The following VPS13C variants were observed in gnomAD, a reference collection of about 807,000 sequenced individuals.
VPS13C encodes the protein intermembrane lipid transfer protein VPS13C.
A neutral mutation model predicts 456.8 loss-of-function variants in VPS13C; 358 were observed. The ratio of observed to expected loss-of-function variants is 0.78; its 90% CI spans 0.72 to 0.86. The LOEUF (loss-of-function observed/expected upper bound fraction) is 0.86. Among genes scored for constraint, VPS13C ranks in the 40% least tolerant of loss-of-function variants. The probability of loss-of-function intolerance (pLI) is 0.00; values close to 1 mark genes in which losing one functional copy is unlikely to be tolerated. For missense variants in VPS13C, 4,818 were observed against 4,385.4 expected (o/e 1.10, Z -2.79); for synonymous variants, 1,578 against 1,486.7 (o/e 1.06, Z -1.41).
At position 61,981,017 on chromosome 15, in the gene VPS13C, T is replaced by C. The variant is rs539467930; in HGVS notation, c.2166+325A>G. Among the ~76,000 whole-genome samples the C allele has an allele frequency of 9.9e-5, 15 of 152,260 alleles. No individual in the cohort carries two copies. In the South Asian group the frequency reaches 3.1e-3, roughly 32 times the overall value. On this transcript the variant is annotated intron_variant, in intron 22 of 84. Transcript: ENST00000644861. ...TTCATATATGTACAATTTCCTATTGTCAAATTTATAAGCAACAAATAACAC... is the reference window on the plus strand; with the variant it reads ...TTCATATATGTACAATTTCCTATTGCCAAATTTATAAGCAACAAATAACAC...
chr15:61,902,148 T>G lies in VPS13C; in HGVS notation c.9105+5116A>C, dbSNP rs544299596. Among the ~76,000 whole-genome samples, 115 of 149,776 alleles carry G rather than the reference T, an allele frequency of 7.7e-4. 1 individual carries two copies. Among genetic ancestry groups the G allele is most frequent in the African/African-American group, 2.6e-3 (108 of 40,790 alleles). ...GAGGGGGAGGGATAGCATTGGGAGA[T>G]ATACCTAATGCTAGATGACAAGTTA... On this transcript the variant is annotated intron_variant, in intron 66 of 84. Transcript: ENST00000644861.
intron 30 of VPS13C, 118 bp downstream of exon 30, chr15:61,965,965 C>T (rs1596393932): frequency 1.6e-6 from 1 of 615,266 alleles, no homozygotes; most frequent in East Asian, 3.1e-5. Flanking sequence ...ATTTATAACT[C>T]TTATTGGTCC....
chr15:62,028,344 C>A lies in VPS13C; in HGVS notation c.448+14G>T, dbSNP rs373840227. The A allele has an allele frequency of 2.5e-6, 4 of 1,612,256 alleles. No individual in the cohort carries two copies. The highest frequency in any genetic ancestry group is 3.4e-6 in the Non-Finnish European group (4 of 1,178,832). On this transcript the variant is annotated intron_variant, in intron 6 of 84. Transcript: ENST00000644861. ...TGTTTATATAGTTGAATATAATTAA[C>A]CATGCATACCCACCAGGCTTGATGT... is the stretch of plus-strand genomic sequence containing the variant.
chr15:61,966,901 G>A (rs1163688007), intron 29 of VPS13C, among the ~76,000 whole-genome samples: 1 of 151,964 alleles, frequency 6.6e-6, no homozygotes, highest in Non-Finnish European at 1.5e-5. Context: ...AATAGCTGCT[G>A]ACTGATTAAA....
At chr15:61,935,085 TTTTC>T (rs2044182223) in intron 48 of VPS13C, among the ~76,000 whole-genome samples, 1 of 152,106 alleles carries the variant, frequency 6.6e-6, no homozygotes, top group Non-Finnish European at 1.5e-5. Flanking sequence ...ACCCAATCCA[TTTTC>T]TTTATCAGAA....
chr15:62,035,151 C>A (rs1024973990), intron 3 of VPS13C, 99 bp from the exon 4 acceptor site: 7 of 750,456 alleles, frequency 9.3e-6, no homozygotes, highest in Non-Finnish European at 1.5e-5. Flanking sequence ...AAAAACTCTT[C>A]ATGGTATGTA....
chr15:62,041,897 T>C (rs1278303038), intron 2 of VPS13C, among the ~76,000 whole-genome samples: 3 of 151,784 alleles, frequency 2.0e-5, no homozygotes, highest in African/African-American at 7.3e-5. Context: ...ATAGTAAAAA[T>C]AGAAAAAGTT....
At position 61,869,742 on chromosome 15, in the gene VPS13C, C is replaced by T. The variant is rs866790776; in HGVS notation, c.10625-119G>A. 60 of 1,503,930 alleles carry T rather than the reference C, an allele frequency of 4.0e-5. No homozygotes were observed. In the African/African-American group the frequency reaches 7.1e-4, roughly 18 times the overall value. The allele number at this position is 1,503,930 out of a possible 1,614,324, so 93.2% of individuals were successfully genotyped here. A position where few individuals can be genotyped will look rare whatever the true frequency, so the allele number is the denominator to read the frequency against. On this transcript the variant is annotated intron_variant, in intron 79 of 84. Transcript: ENST00000644861. ...TACCCAGGAAGTTACAAAAATTTGG[C>T]TTTCTAAAGAAGTTAAATGTAATCC... is the stretch of plus-strand genomic sequence containing the variant.
At chr15:61,926,131 G>A (rs1356073613) in intron 52 of VPS13C, among the ~76,000 whole-genome samples, 2 of 152,194 alleles carry the variant, frequency 1.3e-5, no homozygotes, top group Non-Finnish European at 2.9e-5. Flanking sequence ...AGGTATGGTA[G>A]TGCATACCTA....
chr15:61,866,256 T>C lies in VPS13C; in HGVS notation c.10863+2403A>G, dbSNP rs566483567. 9 of 984,652 alleles carry C rather than the reference T, an allele frequency of 9.1e-6. No individual in the cohort carries two copies. In the Admixed American group the frequency reaches 5.5e-4, roughly 61 times the overall value. 61.0% of individuals were successfully genotyped at this position (984,652 alleles called of 1,614,324 possible). On this transcript the variant is annotated intron_variant, in intron 81 of 84. Coordinates refer to ENST00000644861, the MANE Select transcript of VPS13C (RefSeq NM_020821.3). ...ATCATTCTTTTTCTTCCAGTAATTA[T>C]AATAATGCACTAAAGTTTTAAAAGT... is the stretch of plus-strand genomic sequence containing the variant.
chr15:61,854,871 C>G lies in VPS13C; in HGVS notation c.11160G>C (p.Glu3720Asp), dbSNP rs1335146549. The change falls in exon 84 of 85, where the codon GAG becomes GAC. Residue 3720 changes from glutamate (E) to aspartate (D), a missense_variant and splice_region_variant. Coordinates refer to ENST00000644861, the MANE Select transcript of VPS13C (RefSeq NM_020821.3). The stretch of plus-strand genomic sequence containing the variant: ...GAGGCATGCTCTTTAAATTGTTTAC[C>G]TCTGCTGTGGCGGTGTCCTTCAGGT... ...KVYLKDTATAERACNAIEDAQ... is the reference protein window; with the variant it reads ...KVYLKDTATADRACNAIEDAQ... 4 of 1,603,050 alleles carry G rather than the reference C, an allele frequency of 2.5e-6. No homozygotes were observed. The highest frequency in any genetic ancestry group is 3.5e-5 in the Admixed American group (2 of 56,590).
At chr15:61,979,814 T>G (rs1421082316) in intron 22 of VPS13C, among the ~76,000 whole-genome samples, 1 of 151,934 alleles carries the variant, frequency 6.6e-6, no homozygotes, top group Non-Finnish European at 1.5e-5. Context: ...CAGACAAGGG[T>G]AGAGCTTTCA....
intron 16 of VPS13C, among the ~76,000 whole-genome samples, chr15:61,994,501 T>C (rs564325856): frequency 4.4e-4 from 67 of 152,198 alleles, no homozygotes; most frequent in African/African-American, 1.5e-3. Flanking sequence ...GATAAGGCTA[T>C]TCATTGTAGA....
chr15:62,025,583 T>C (rs1567124416), intron 6 of VPS13C, among the ~76,000 whole-genome samples: 1 of 152,120 alleles, frequency 6.6e-6, no homozygotes, highest in Non-Finnish European at 1.5e-5. Flanking sequence ...ACCAATTATC[T>C]TTCTGGTTTC....
chr15:61,888,322 A>C lies in VPS13C; in HGVS notation c.9341+1843T>G, dbSNP rs534035313. Among the ~76,000 whole-genome samples, 12 of 152,336 alleles carry C rather than the reference A, an allele frequency of 7.9e-5. No homozygotes were observed. The South Asian group carries it at 2.3e-3, about 29-fold the overall frequency. On this transcript the variant is annotated intron_variant, in intron 67 of 84. Coordinates refer to ENST00000644861, the MANE Select transcript of VPS13C (RefSeq NM_020821.3). ...AAACTAAACATACTTTTATCATATG[A>C]TCCAGCAATCATATTCCTTGGCACT...
Position 62,014,545 on chromosome 15 carries a change from T to C in VPS13C, c.685-553A>G, listed in dbSNP as rs145317437. 5.3e-5 allele frequency among the ~76,000 whole-genome samples: 8 copies of C among 152,254 alleles called. No individual in the cohort carries two copies. In the East Asian group the frequency reaches 1.5e-3, roughly 29 times the overall value. On this transcript the variant is annotated intron_variant, in intron 9 of 84. Transcript: ENST00000644861. ...GAGATCCAGATCAGAGGTGGGAGGA[T>C]AACTTTAGATTTATAAGTTAGATTG... is the stretch of plus-strand genomic sequence containing the variant.
At chr15:61,876,736 A>G (rs1015268197) in intron 75 of VPS13C, among the ~76,000 whole-genome samples, 1 of 151,968 alleles carries the variant, frequency 6.6e-6, no homozygotes, top group African/African-American at 2.4e-5. Flanking sequence ...TCTTTCCCAA[A>G]GTGGTAAAAG....
At position 62,012,132 on chromosome 15, in the gene VPS13C, T is replaced by A; in HGVS notation, c.858A>T (p.Gly286=). ...DQLKNEILTS[G]NIPPNYQYIF... ...TGTATTGATAATTTGGGGGTATATT[T>A]CCACTTGTAAGAATTTCATTTTTCA... is the stretch of plus-strand genomic sequence containing the variant. The change falls in exon 12 of 85, where the codon GGA becomes GGT. Residue 286 remains glycine, a synonymous_variant. Transcript: ENST00000644861. 1 of 1,548,146 alleles carries A rather than the reference T, an allele frequency of 6.5e-7. No homozygotes were observed. Among genetic ancestry groups the A allele is most frequent in the Non-Finnish European group, 8.9e-7 (1 of 1,124,300 alleles).
intron 5 of VPS13C, 143 bp from the exon 6 acceptor site, chr15:62,028,563 T>C: frequency 1.4e-6 from 1 of 728,544 alleles, no homozygotes; most frequent in African/African-American, 1.8e-5. Context: ...ACACCAAAAC[T>C]ATTTTATTTC....
Sources: allele counts gnomAD v4.1 joint callset (sites outside exome capture counted in the v4.1 genomes callset), GRCh38; gene constraint gnomAD v4.1.1; transcripts MANE v1.5; gene names NCBI Gene and HGNC (gene_info 2026-07-23, HGNC 2026-07-21).